Variants in RAD51B observed in about 807,000 individuals in gnomAD.
RAD51B encodes RAD51 paralog B.
A neutral mutation model predicts 42.2 loss-of-function variants in RAD51B; 38 were observed. The observed-to-expected ratio is 0.90, with a 90% confidence interval of 0.70 to 1.18. The LOEUF is 1.18. RAD51B is among the 50% of genes most tolerant of loss of function. The pLI is 0.00. For synonymous variants in RAD51B, 154 were observed against 145.2 expected, an observed-to-expected ratio of 1.06 and a Z score of -0.43; for missense variants, 373 against 400.7, an observed-to-expected ratio of 0.93 and a Z score of 0.59.
intron 10 of RAD51B, among the ~76,000 whole-genome samples, chr14:68,607,533 C>A (rs1417296839): frequency 6.6e-6 from 1 of 152,194 alleles, no homozygotes; most frequent in Non-Finnish European, 1.5e-5. Context: ...CCCACGTCCG[C>A]CCTTTTCTGT....
At chr14:68,214,885 C>G (rs1241883659) in intron 7 of RAD51B, among the ~76,000 whole-genome samples, 2 of 152,132 alleles carry the variant, frequency 1.3e-5, no homozygotes, top group South Asian at 4.1e-4. Context: ...AACCAGCCTT[C>G]TTTTATTTCA....
chr14:67,912,517 A>G (rs2044019227), intron 7 of RAD51B, among the ~76,000 whole-genome samples: 1 of 152,194 alleles, frequency 6.6e-6, no homozygotes, highest in African/African-American at 2.4e-5. Context: ...CCCCTTGAGG[A>G]GTTCAGATTC....
intron 4 of RAD51B, among the ~76,000 whole-genome samples, chr14:67,837,271 C>G (rs1007225420): frequency 6.7e-6 from 1 of 150,224 alleles, no homozygotes; most frequent in Non-Finnish European, 1.5e-5. Context: ...GTTCCACTTG[C>G]TTAAACAAGG....
intron 9 of RAD51B, among the ~76,000 whole-genome samples, chr14:68,423,877 AG>A (rs1335072095): frequency 6.6e-6 from 1 of 152,192 alleles, no homozygotes; most frequent in African/African-American, 2.4e-5. Context: ...AACACTTTTG[AG>A]GAAGAATAAA....
intron 2 of RAD51B, 137 bp from the exon 3 acceptor site, chr14:67,825,327 C>T (rs1000721195): frequency 3.6e-6 from 2 of 551,624 alleles, no homozygotes; most frequent in Non-Finnish European, 3.1e-6. Context: ...GAAAATACTA[C>T]AATGAATGTA....
At chr14:68,444,470 G>GTT (rs2085376435) in intron 9 of RAD51B, among the ~76,000 whole-genome samples, 1 of 142,532 alleles carries the variant, frequency 7.0e-6, no homozygotes, top group Admixed American at 7.2e-5. Context: ...GTGTGTGTGT[G>GTT]TTTTGAGGTG....
chr14:68,502,768 C>G (rs1214354153), intron 10 of RAD51B, among the ~76,000 whole-genome samples: 2 of 152,162 alleles, frequency 1.3e-5, no homozygotes, highest in Admixed American at 1.3e-4. Flanking sequence ...GGTGCCTATT[C>G]AAGGGCTCCC....
intron 7 of RAD51B, among the ~76,000 whole-genome samples, chr14:68,254,979 C>A (rs1247487560): frequency 6.6e-6 from 1 of 152,178 alleles, no homozygotes; most frequent in East Asian, 1.9e-4. Context: ...TCTTTATAGT[C>A]CTAAAGAGAA....
chr14:68,341,936 CAA>C (rs2082579869), intron 8 of RAD51B, among the ~76,000 whole-genome samples: 1 of 151,772 alleles, frequency 6.6e-6, no homozygotes, highest in Admixed American at 6.6e-5. Flanking sequence ...CTGTGGCAAA[CAA>C]AAATCTTTCA....
rs535170511 is a variant in RAD51B, at chr14:68,051,313, A to C, written c.756+164109A>C. 1.2e-4 allele frequency among the ~76,000 whole-genome samples: 19 copies of C among 152,242 alleles called. No individual in the cohort carries two copies. The South Asian group carries it at 3.9e-3, about 32-fold the overall frequency. ...CACTACTAAATTATTCTACAACATG[A>C]CTTAATGACTGCAGAGTATTTCAAC... On this transcript the variant is annotated intron_variant, in intron 7 of 10. Coordinates refer to ENST00000471583, the MANE Select transcript of RAD51B (RefSeq NM_133510.4).
chr14:68,285,414 C>T (rs2081394898), intron 7 of RAD51B, among the ~76,000 whole-genome samples: 1 of 152,210 alleles, frequency 6.6e-6, no homozygotes, highest in African/African-American at 2.4e-5. Flanking sequence ...AAAAGATTAA[C>T]TGTGCCTTCA....
chr14:67,885,847 G>C, intron 5 of RAD51B, 22 bp from the exon 6 acceptor site: 1 of 1,578,304 alleles, frequency 6.3e-7, no homozygotes, highest in South Asian at 1.2e-5. Context: ...GTTTTCGTTT[G>C]TGCTATTTTT....
intron 8 of RAD51B, among the ~76,000 whole-genome samples, chr14:68,305,237 G>A (rs1480858456): frequency 6.6e-6 from 1 of 152,174 alleles, no homozygotes. Context: ...TTTGAGCACT[G>A]GGTCCATTCA....
chr14:68,571,633 G>A (rs1889706794), intron 10 of RAD51B, among the ~76,000 whole-genome samples: 1 of 152,192 alleles, frequency 6.6e-6, no homozygotes, highest in South Asian at 2.1e-4. Flanking sequence ...TTTAAGGTTA[G>A]CTAACTAACA....
At chr14:68,423,438 C>A (rs1399318821) in intron 9 of RAD51B, among the ~76,000 whole-genome samples, 1 of 152,106 alleles carries the variant, frequency 6.6e-6, no homozygotes, top group African/African-American at 2.4e-5. Flanking sequence ...CTTTTTCAAG[C>A]CTCACGAAAA....
chr14:68,065,296 A>C (rs1231336966), intron 7 of RAD51B, among the ~76,000 whole-genome samples: 2 of 152,050 alleles, frequency 1.3e-5, no homozygotes, highest in African/African-American at 4.8e-5. Flanking sequence ...TGGCCTACCT[A>C]CTCAGGGTCT....
intron 4 of RAD51B, among the ~76,000 whole-genome samples, chr14:67,852,788 T>TA (rs35685545): frequency 5.3e-5 from 8 of 150,266 alleles, no homozygotes; most frequent in South Asian, 2.1e-4. Context: ...TGTGTATAAT[T>TA]AAAAAAAAAA....
intron 5 of RAD51B, among the ~76,000 whole-genome samples, chr14:67,872,591 T>G (rs2140013610): frequency 6.7e-6 from 1 of 149,164 alleles, no homozygotes; most frequent in Admixed American, 6.7e-5. Context: ...AAAACTACTT[T>G]AAAGTTCATA....
At chr14:67,937,916 A>G (rs982083692) in intron 7 of RAD51B, among the ~76,000 whole-genome samples, 1 of 151,260 alleles carries the variant, frequency 6.6e-6, no homozygotes, top group Non-Finnish European at 1.5e-5. Flanking sequence ...CTTTTTTTGC[A>G]TTAGGGGTTT....
Sources: allele counts gnomAD v4.1 joint callset (sites outside exome capture counted in the v4.1 genomes callset), GRCh38; gene constraint gnomAD v4.1.1; transcripts MANE v1.5; gene names NCBI Gene and HGNC (gene_info 2026-07-23, HGNC 2026-07-21).